The following TBC1D5 variants were observed in gnomAD, a reference collection of about 807,000 sequenced individuals.
TBC1D5 encodes the protein TBC1 domain family member 5, also known as TBC1 domain family, member 5.
In TBC1D5, 75 loss-of-function variants were observed where a neutral mutation model predicts 100.3. The ratio of observed to expected loss-of-function variants is 0.75; its 90% CI spans 0.62 to 0.91. TBC1D5 has a LOEUF of 0.91. Ranked by LOEUF, TBC1D5 falls within the 40% of genes least tolerant of loss-of-function variation. The pLI is 0.00. For missense variants in TBC1D5, 910 were observed against 942.4 expected, an observed-to-expected ratio of 0.97 and a Z score of 0.45; for synonymous variants, 323 against 325.6, an observed-to-expected ratio of 0.99 and a Z score of 0.09.
Position 17,713,064 on chromosome 3 carries a change from G to A in TBC1D5, c.-101+26279C>T, listed in dbSNP as rs376476610. Among the ~76,000 whole-genome samples, 63 of 152,066 alleles carry A rather than the reference G, an allele frequency of 4.1e-4. 2 individuals are homozygous for A. The South Asian group carries it at 9.3e-3, about 23-fold the overall frequency. ...TCTCTCTTTACTTGATTTATCTGAC[G>A]AGGTCGTCTCCTGGTTCTTTTCTGA... On this transcript the variant is annotated intron_variant, in intron 1 of 21. Coordinates refer to ENST00000253692, the Ensembl canonical transcript of TBC1D5.
chr3:17,473,679 T>C (rs138448198), intron 3 of TBC1D5, among the ~76,000 whole-genome samples: 22 of 152,224 alleles, frequency 1.4e-4, no homozygotes, highest in African/African-American at 5.3e-4. Flanking sequence ...TAAATCAAAT[T>C]TGATGAGGAT....
chr3:17,600,250 C>T (rs888046770), intron 2 of TBC1D5, among the ~76,000 whole-genome samples: 3 of 151,150 alleles, frequency 2.0e-5, no homozygotes, highest in African/African-American at 7.3e-5. Flanking sequence ...ATGTTAATAA[C>T]GGAGGTGATA....
intron 13 of TBC1D5, among the ~76,000 whole-genome samples, chr3:17,338,943 C>G (rs1342818271): frequency 6.6e-6 from 1 of 152,180 alleles, no homozygotes; most frequent in Non-Finnish European, 1.5e-5. Flanking sequence ...GGAATACTGC[C>G]TATTTAAACA....
chr3:17,311,605 TTGAC>T (rs2084039362), intron 13 of TBC1D5, among the ~76,000 whole-genome samples: 1 of 152,046 alleles, frequency 6.6e-6, no homozygotes. Context: ...AAGGACCAAT[TTGAC>T]TGAGCTTTAA....
chr3:17,469,309 C>T (rs1004700439), intron 3 of TBC1D5, among the ~76,000 whole-genome samples: 2 of 152,096 alleles, frequency 1.3e-5, no homozygotes, highest in Non-Finnish European at 2.9e-5. Flanking sequence ...AATAATCTAT[C>T]GAGTCACATC....
At chr3:17,425,320 GT>G (rs1325948223) in intron 4 of TBC1D5, among the ~76,000 whole-genome samples, 2 of 152,146 alleles carry the variant, frequency 1.3e-5, no homozygotes, top group Non-Finnish European at 1.5e-5. Context: ...AGTACACTAT[GT>G]TTAAACATTG....
intron 15 of TBC1D5, among the ~76,000 whole-genome samples, chr3:17,272,138 G>A (rs2079493218): frequency 6.6e-6 from 1 of 152,150 alleles, no homozygotes; most frequent in Admixed American, 6.5e-5. Flanking sequence ...ACTTATTGCT[G>A]TTGCGATTCT....
chr3:17,707,806 C>T lies in TBC1D5; in HGVS notation c.-101+31537G>A, dbSNP rs1274206981. Among the ~76,000 whole-genome samples, 4 of 152,046 alleles carry T rather than the reference C, an allele frequency of 2.6e-5. No individual in the cohort carries two copies. The East Asian group carries it at 7.7e-4, about 29-fold the overall frequency. On this transcript the variant is annotated intron_variant, in intron 1 of 21. Coordinates refer to ENST00000253692, the Ensembl canonical transcript of TBC1D5. ...CTTCCTGAACAGGAAGAATTAAAAA[C>T]AACCAAAGAAACAAACAAAAAAAAT...
chr3:17,428,617 G>T, intron 3 of TBC1D5, 98 bp from the exon 4 acceptor site: 1 of 451,420 alleles, frequency 2.2e-6, no homozygotes, highest in Non-Finnish European at 3.6e-6. Flanking sequence ...TAGCCAAAAA[G>T]CATACATCCT....
chr3:17,581,326 C>A (rs373822436), intron 2 of TBC1D5, among the ~76,000 whole-genome samples: 2 of 152,102 alleles, frequency 1.3e-5, no homozygotes, highest in African/African-American at 4.8e-5. Flanking sequence ...TAATATATAC[C>A]TTTAAATACC....
At chr3:17,690,718 C>T (rs893253606) in intron 1 of TBC1D5, among the ~76,000 whole-genome samples, 4 of 152,136 alleles carry the variant, frequency 2.6e-5, no homozygotes, top group Admixed American at 6.5e-5. Flanking sequence ...ATCTAGGTTG[C>T]GTGCTCCTTA....
chr3:17,261,656 G>C (rs1171913959), intron 15 of TBC1D5, among the ~76,000 whole-genome samples: 1 of 151,938 alleles, frequency 6.6e-6, no homozygotes, highest in Non-Finnish European at 1.5e-5. Flanking sequence ...CTGGTAGTTG[G>C]GACTACACGC....
At chr3:17,696,520 G>C (rs998018565) in intron 1 of TBC1D5, among the ~76,000 whole-genome samples, 1 of 152,028 alleles carries the variant, frequency 6.6e-6, no homozygotes, top group Non-Finnish European at 1.5e-5. Flanking sequence ...TGAATTCCTG[G>C]ATACATACAA....
intron 3 of TBC1D5, among the ~76,000 whole-genome samples, chr3:17,489,425 A>G (rs2095610806): frequency 1.3e-5 from 2 of 152,136 alleles, no homozygotes; most frequent in South Asian, 4.1e-4. Flanking sequence ...ATACACTCCT[A>G]TGAACCTCTT....
intron 2 of TBC1D5, among the ~76,000 whole-genome samples, chr3:17,596,315 C>CTT (rs397874911): frequency 2.3e-4 from 29 of 125,986 alleles, no homozygotes; most frequent in East Asian, 4.5e-4. Context: ...TCCAGCTTTC[C>CTT]TTTTTTTTTT....
At chr3:17,717,697 A>T (rs1033328404) in intron 1 of TBC1D5, among the ~76,000 whole-genome samples, 1 of 152,182 alleles carries the variant, frequency 6.6e-6, no homozygotes, top group Non-Finnish European at 1.5e-5. Flanking sequence ...ACAAATTTTG[A>T]TATATGCTTT....
At chr3:17,267,601 T>A (rs889116477) in intron 15 of TBC1D5, among the ~76,000 whole-genome samples, 28 of 152,272 alleles carry the variant, frequency 1.8e-4, no homozygotes, top group African/African-American at 6.3e-4. Context: ...GTTAGAACAG[T>A]TTAATCAAGT....
intron 2 of TBC1D5, among the ~76,000 whole-genome samples, chr3:17,541,806 T>C (rs2096360336): frequency 6.6e-6 from 1 of 152,220 alleles, no homozygotes; most frequent in Admixed American, 6.5e-5. Context: ...ATTGAGTATG[T>C]TGTTCACTCC....
intron 3 of TBC1D5, among the ~76,000 whole-genome samples, chr3:17,442,799 A>T (rs572704341): frequency 6.6e-6 from 1 of 152,310 alleles, no homozygotes; most frequent in East Asian, 1.9e-4. Flanking sequence ...ACAGAAAGTG[A>T]GTCAGAAACT....
Sources: gnomAD v4.1 joint callset for allele counts (sites outside exome capture counted in the v4.1 genomes callset) on GRCh38, gnomAD v4.1.1 for gene constraint, MANE v1.5 for transcripts, NCBI Gene and HGNC (gene_info 2026-07-23, HGNC 2026-07-21) for gene names.